CNTLN: variants seen among roughly 807,000 people sequenced by gnomAD.
CNTLN encodes centlein, also known as centlein, centrosomal protein.
Under a neutral mutation model 180.0 loss-of-function variants are expected in CNTLN, and 212 were observed. The ratio of observed to expected loss-of-function variants is 1.18; its 90% CI spans 1.05 to 1.32. CNTLN has a LOEUF of 1.32. CNTLN is among the 40% of genes most tolerant of loss of function. The pLI is 0.00. For missense variants in CNTLN, 2,095 were observed against 1,610.9 expected (o/e 1.30, Z -5.14); for synonymous variants, 722 against 563.1 (o/e 1.28, Z -3.99).
intron 12 of CNTLN, among the ~76,000 whole-genome samples, chr9:17,358,370 A>G (rs1823018307): frequency 6.6e-6 from 1 of 152,130 alleles, no homozygotes; most frequent in South Asian, 2.1e-4. Context: ...GTTGAATAAC[A>G]GTATATATAC....
At chr9:17,445,656 G>A (rs1830365740) in intron 18 of CNTLN, among the ~76,000 whole-genome samples, 1 of 152,130 alleles carries the variant, frequency 6.6e-6, no homozygotes, top group Non-Finnish European at 1.5e-5. Context: ...AAAAACTGCG[G>A]AAGGCCTCAG....
At chr9:17,449,080 G>C (rs1830626300) in intron 18 of CNTLN, among the ~76,000 whole-genome samples, 2 of 152,120 alleles carry the variant, frequency 1.3e-5, no homozygotes, top group Admixed American at 1.3e-4. Context: ...GTGTTTAGGA[G>C]GGCTATGACT....
At position 17,143,381 on chromosome 9, in the gene CNTLN, G is replaced by A; in HGVS notation, c.449+5G>A. On this transcript the variant is annotated splice_donor_5th_base_variant and intron_variant, in intron 2 of 25. Transcript: ENST00000380647. ...GGTCAGTTTGGTTGTGGAAAGGTGA[G>A]CTCTCAAATTATTTTTTCATGAGTA... is the stretch of plus-strand genomic sequence containing the variant. 6.2e-7 allele frequency: 1 copy of A among 1,608,870 alleles called. No homozygotes were observed. Among genetic ancestry groups the A allele is most frequent in the Non-Finnish European group, 8.5e-7 (1 of 1,176,072 alleles).
At chr9:17,327,530 A>C (rs1246526164) in intron 8 of CNTLN, among the ~76,000 whole-genome samples, 12 of 150,774 alleles carry the variant, frequency 8.0e-5, no homozygotes, top group Non-Finnish European at 1.8e-4. Context: ...TATATCACAA[A>C]CTTACTAGTA....
chr9:17,295,684 C>T (rs903110163), intron 6 of CNTLN, among the ~76,000 whole-genome samples: 1 of 152,154 alleles, frequency 6.6e-6, no homozygotes, highest in Non-Finnish European at 1.5e-5. Context: ...AAGATCTGGA[C>T]AAATTCAGTG....
At chr9:17,375,302 A>G (rs1008977860) in intron 13 of CNTLN, among the ~76,000 whole-genome samples, 2 of 152,190 alleles carry the variant, frequency 1.3e-5, no homozygotes, top group Non-Finnish European at 2.9e-5. Flanking sequence ...GGGAATAATT[A>G]ATGGATTACA....
At chr9:17,477,150 T>C (rs542020959) in intron 23 of CNTLN, among the ~76,000 whole-genome samples, 2 of 152,352 alleles carry the variant, frequency 1.3e-5, no homozygotes, top group South Asian at 4.1e-4. Flanking sequence ...CATGGTTTAC[T>C]GAATATTTTA....
the CNTLN span, among the ~76,000 whole-genome samples, chr9:17,522,665 C>A: frequency 6.6e-6 from 1 of 152,150 alleles, no homozygotes; most frequent in Non-Finnish European, 1.5e-5. Context: ...GTCGGCCTGC[C>A]TTCCCTCCAA....
the CNTLN span, among the ~76,000 whole-genome samples, chr9:17,518,105 T>C: frequency 1.6e-5 from 2 of 128,472 alleles, no homozygotes; most frequent in African/African-American, 2.9e-5. Flanking sequence ...CACAGTGGCA[T>C]GATCTGATCT....
intron 20 of CNTLN, among the ~76,000 whole-genome samples, chr9:17,464,158 A>G (rs559028694): frequency 2.0e-3 from 306 of 151,478 alleles, no homozygotes; most frequent in African/African-American, 7.2e-3. Flanking sequence ...TTATCTTCAT[A>G]TATCACTTTG....
At chr9:17,447,988 T>C (rs1830544725) in intron 18 of CNTLN, 1 of 152,666 alleles carries the variant, frequency 6.6e-6, no homozygotes, top group African/African-American at 2.4e-5. Flanking sequence ...ATAAATTCCT[T>C]TTGAAGTTTC....
At chr9:17,179,684 A>C (rs1316412210) in intron 2 of CNTLN, among the ~76,000 whole-genome samples, 1 of 152,178 alleles carries the variant, frequency 6.6e-6, no homozygotes, top group Non-Finnish European at 1.5e-5. Context: ...TAGATCCTAT[A>C]GGTTGATTTT....
At chr9:17,371,479 T>G (rs1824311323) in intron 13 of CNTLN, among the ~76,000 whole-genome samples, 5 of 152,182 alleles carry the variant, frequency 3.3e-5, no homozygotes, top group Admixed American at 3.3e-4. Context: ...GCAAATATTA[T>G]TAGAGCTAAA....
chr9:17,262,633 G>A (rs1176146606), intron 5 of CNTLN, among the ~76,000 whole-genome samples: 3 of 151,240 alleles, frequency 2.0e-5, no homozygotes, highest in Non-Finnish European at 4.4e-5. Context: ...ATATTTCGGG[G>A]TTAACACCTA....
At chr9:17,458,529 A>G (rs1284115943) in intron 19 of CNTLN, among the ~76,000 whole-genome samples, 7 of 151,974 alleles carry the variant, frequency 4.6e-5, no homozygotes, top group Admixed American at 1.3e-4. Context: ...TGGAATAATC[A>G]TCCCTGTTAG....
At chr9:17,377,631 C>A (rs13285126) in intron 13 of CNTLN, among the ~76,000 whole-genome samples, 23,152 of 152,132 alleles carry the variant, frequency 0.15, 2,446 homozygotes, top group Non-Finnish European at 0.24. Flanking sequence ...TTTGTAAGAA[C>A]CTAGATGTTT....
chr9:17,143,814 A>C (rs1216187032), intron 2 of CNTLN, among the ~76,000 whole-genome samples: 1 of 152,132 alleles, frequency 6.6e-6, no homozygotes, highest in Admixed American at 6.5e-5. Flanking sequence ...GTGTAGAGTA[A>C]GTGTTCTGGA....
At chr9:17,177,269 C>T (rs1007917422) in intron 2 of CNTLN, among the ~76,000 whole-genome samples, 1 of 151,974 alleles carries the variant, frequency 6.6e-6, no homozygotes, top group Non-Finnish European at 1.5e-5. Flanking sequence ...ATTAGCCTGG[C>T]GTGGTGGCAG....
intron 25 of CNTLN, 89 bp from the exon 26 acceptor site, chr9:17,502,462 T>C: frequency 1.6e-6 from 1 of 622,512 alleles, no homozygotes. Context: ...TGCAGACATC[T>C]AACTTCTAAT....
Sources: gnomAD v4.1 joint callset for allele counts (sites outside exome capture counted in the v4.1 genomes callset) on GRCh38, gnomAD v4.1.1 for gene constraint, MANE v1.5 for transcripts, NCBI Gene and HGNC (gene_info 2026-07-23, HGNC 2026-07-21) for gene names.